CLSTN2: variants seen among roughly 807,000 people sequenced by gnomAD.
CLSTN2 encodes calsyntenin-2.
Under a neutral mutation model 101.2 loss-of-function variants are expected in CLSTN2, and 48 were observed. That is an observed-to-expected ratio of 0.47 (90% CI 0.38 to 0.60). The LOEUF (loss-of-function observed/expected upper bound fraction) is 0.60. Among genes scored for constraint, CLSTN2 ranks in the 20% least tolerant of loss-of-function variants. The pLI, the probability that CLSTN2 is intolerant of heterozygous loss-of-function variation, is 0.00. For synonymous variants in CLSTN2, 481 were observed against 463.6 expected, an observed-to-expected ratio of 1.04 and a Z score of -0.48; for missense variants, 1,160 against 1,238.2, an observed-to-expected ratio of 0.94 and a Z score of 0.95.
chr3:140,418,500 TCTTTCTTTCTTTC>T, intron 4 of CLSTN2, among the ~76,000 whole-genome samples: 1 of 95,828 alleles, frequency 1.0e-5, no homozygotes. Context: ...GTTCTTTCTT[TCTTTCTTTCTTTC>T]TTTCTTTTTT....
At chr3:140,204,625 G>C (rs1436418162) in intron 2 of CLSTN2, among the ~76,000 whole-genome samples, 1 of 146,168 alleles carries the variant, frequency 6.8e-6, no homozygotes, top group East Asian at 1.9e-4. Context: ...ACTTGGGAGT[G>C]GCGGTAAGCT....
chr3:140,258,353 C>T (rs563682238), intron 2 of CLSTN2, among the ~76,000 whole-genome samples: 2 of 152,298 alleles, frequency 1.3e-5, no homozygotes, highest in Admixed American at 1.3e-4. Context: ...TATTTATACA[C>T]AGGTTTTTAA....
chr3:140,274,446 G>A (rs1164815967), intron 2 of CLSTN2, among the ~76,000 whole-genome samples: 1 of 152,104 alleles, frequency 6.6e-6, no homozygotes. Context: ...AATTGGCCCC[G>A]TTTTATTTTG....
chr3:140,016,489 A>T (rs1322796725), intron 1 of CLSTN2, among the ~76,000 whole-genome samples: 1 of 152,102 alleles, frequency 6.6e-6, no homozygotes, highest in African/African-American at 2.4e-5. Flanking sequence ...ATATTTTTTG[A>T]AGATTTGTGA....
At chr3:139,995,184 T>C (rs930569305) in intron 1 of CLSTN2, among the ~76,000 whole-genome samples, 7 of 152,182 alleles carry the variant, frequency 4.6e-5, no homozygotes, top group Non-Finnish European at 8.8e-5. Flanking sequence ...AGGGAGGCAT[T>C]GGAGGAATCA....
rs9878008 is a variant in CLSTN2, at chr3:139,935,930, G to A, written c.109+447G>A. 0.25 allele frequency among the ~76,000 whole-genome samples: 37,634 copies of A among 151,952 alleles called. 5,059 individuals are homozygous for A. The highest frequency in any genetic ancestry group is 0.31 in the Non-Finnish European group (20,946 of 67,882). ...TGACTTGTCTCCCAGCTCGGGGATG[G>A]AGTGGAAACTTGTAGGCTCCAGGGA... On this transcript the variant is annotated intron_variant, in intron 1 of 16. Coordinates refer to ENST00000458420, the MANE Select transcript of CLSTN2 (RefSeq NM_022131.3). The surrounding 1 kb of genome is among the most constrained non-coding windows in gnomAD (Gnocchi z 5.5).
At chr3:140,005,971 A>G (rs1425576788) in intron 1 of CLSTN2, among the ~76,000 whole-genome samples, 1 of 152,250 alleles carries the variant, frequency 6.6e-6, no homozygotes, top group African/African-American at 2.4e-5. Context: ...ACAATATTGT[A>G]TACTTGATCT....
chr3:140,377,669 C>T (rs1175744857), intron 2 of CLSTN2, among the ~76,000 whole-genome samples: 3 of 152,034 alleles, frequency 2.0e-5, no homozygotes. Context: ...TACAGCTATA[C>T]AGTGTGTTTT....
intron 8 of CLSTN2, among the ~76,000 whole-genome samples, chr3:140,510,390 A>C (rs1233438880): frequency 6.6e-6 from 1 of 152,240 alleles, no homozygotes; most frequent in Non-Finnish European, 1.5e-5. Context: ...AAGTCGCAGC[A>C]CGGTGCTAGA....
At chr3:140,020,400 C>T (rs551032180) in intron 1 of CLSTN2, among the ~76,000 whole-genome samples, 1 of 152,284 alleles carries the variant, frequency 6.6e-6, no homozygotes, top group South Asian at 2.1e-4. Flanking sequence ...CTCCTGCATG[C>T]TCACATATGC....
intron 2 of CLSTN2, among the ~76,000 whole-genome samples, chr3:140,365,683 G>T (rs1354111560): frequency 6.6e-6 from 1 of 152,028 alleles, no homozygotes; most frequent in Non-Finnish European, 1.5e-5. Flanking sequence ...GACCCCTGGG[G>T]TTAAGCTTCC....
intron 2 of CLSTN2, among the ~76,000 whole-genome samples, chr3:140,292,661 C>T (rs1418836025): frequency 6.6e-6 from 1 of 152,170 alleles, no homozygotes; most frequent in Non-Finnish European, 1.5e-5. Context: ...CACCTTGCAA[C>T]CTTTATTAAT....
intron 2 of CLSTN2, among the ~76,000 whole-genome samples, chr3:140,356,296 AC>A: frequency 1.3e-5 from 2 of 152,292 alleles, no homozygotes; most frequent in Admixed American, 1.3e-4. Flanking sequence ...AGCAGAGATC[AC>A]CCCATTGGAC....
At chr3:140,327,554 C>T (rs2087344165) in intron 2 of CLSTN2, among the ~76,000 whole-genome samples, 1 of 152,166 alleles carries the variant, frequency 6.6e-6, no homozygotes, top group Admixed American at 6.5e-5. Flanking sequence ...TTGGGGAAAA[C>T]CTCTCAACAT....
At chr3:140,236,352 A>T (rs2086416474) in intron 2 of CLSTN2, among the ~76,000 whole-genome samples, 1 of 152,158 alleles carries the variant, frequency 6.6e-6, no homozygotes, top group Admixed American at 6.5e-5. Context: ...AAGTCTGAGA[A>T]GTCTGCTATC....
intron 1 of CLSTN2, among the ~76,000 whole-genome samples, chr3:140,148,452 G>A (rs1560109410): frequency 6.6e-6 from 1 of 152,168 alleles, no homozygotes; most frequent in East Asian, 1.9e-4. Flanking sequence ...GCCCAGCCTG[G>A]CATATTCCCT....
intron 4 of CLSTN2, among the ~76,000 whole-genome samples, chr3:140,406,510 T>C (rs1261087186): frequency 2.0e-5 from 3 of 152,174 alleles, no homozygotes; most frequent in Non-Finnish European, 2.9e-5. Context: ...TTAATTAAAG[T>C]TTGGCTCAAA....
At chr3:140,130,045 A>G (rs765183861) in intron 1 of CLSTN2, among the ~76,000 whole-genome samples, 2 of 152,206 alleles carry the variant, frequency 1.3e-5, no homozygotes, top group Non-Finnish European at 2.9e-5. Context: ...TGGGATGGAT[A>G]CCCACTTTGT....
At chr3:140,504,858 G>A (rs560717729) in intron 8 of CLSTN2, among the ~76,000 whole-genome samples, 22 of 152,170 alleles carry the variant, frequency 1.4e-4, no homozygotes, top group African/African-American at 5.3e-4. Flanking sequence ...TTGATTTTTT[G>A]GGGGAGGGGA....
Sources: allele counts gnomAD v4.1 joint callset (sites outside exome capture counted in the v4.1 genomes callset), GRCh38; gene constraint gnomAD v4.1.1; non-coding constraint Gnocchi (gnomAD v3.1); transcripts MANE v1.5; gene names NCBI Gene and HGNC (gene_info 2026-07-23, HGNC 2026-07-21).